Variants in EPB41 observed in about 807,000 individuals in gnomAD.
EPB41 encodes the protein erythrocyte membrane protein band 4.1, also known as protein 4.1.
EPB41 carries 65 observed loss-of-function variants against 108.0 expected under a neutral mutation model. That is an observed-to-expected ratio of 0.60 (90% CI 0.49 to 0.74). The LOEUF is 0.74. Ranked by LOEUF, EPB41 falls within the 30% of genes least tolerant of loss-of-function variation. The pLI, the probability that EPB41 is intolerant of heterozygous loss-of-function variation, is 0.00. For synonymous variants in EPB41, 336 were observed against 358.9 expected, an observed-to-expected ratio of 0.94 and a Z score of 0.72; for missense variants, 875 against 1,037.0, an observed-to-expected ratio of 0.84 and a Z score of 2.15.
In EPB41 at chr1:29,030,409, T is replaced by G. The variant is rs777123955; in HGVS notation, c.1134T>G (p.Thr378=). Residue 378 remains threonine, a synonymous_variant, in exon 8 of 21, where the codon ACT becomes ACG. Coordinates refer to ENST00000343067, the MANE Select transcript of EPB41 (RefSeq NM_001376013.1). The stretch of plus-strand genomic sequence containing the variant: ...TTTTATTCTATCAAAGGTCCATGAC[T>G]CCAGCTCAGGCTGACTTGGAGTTTC... ...MELHKSYRSM[T]PAQADLEFLE... 2.5e-5 allele frequency: 41 copies of G among 1,613,854 alleles called. No individual in the cohort carries two copies. The highest frequency in any genetic ancestry group is 1.6e-4 in the Middle Eastern group (1 of 6,082).
chr1:29,077,188 A>G (rs1654438426), intron 16 of EPB41, among the ~76,000 whole-genome samples: 1 of 152,036 alleles, frequency 6.6e-6, no homozygotes, highest in African/African-American at 2.4e-5. Context: ...ATCCTGTAGT[A>G]TGGTCCCTTG....
intron 12 of EPB41, among the ~76,000 whole-genome samples, chr1:29,057,995 T>C (rs928041848): frequency 6.6e-6 from 1 of 152,234 alleles, no homozygotes; most frequent in African/African-American, 2.4e-5. Context: ...ATTGGGTTTA[T>C]TGTAATGTTT....
Position 28,953,000 on chromosome 1 carries a change from AT to A in EPB41, c.-7-34429del, listed in dbSNP as rs531438876. On this transcript the variant is annotated intron_variant, in intron 1 of 20. Coordinates refer to ENST00000343067, the MANE Select transcript of EPB41 (RefSeq NM_001376013.1). ...TGCCTCGGCCTCCCAAAGTGCCGGG[AT>A]TACAGGCATGAGCCACTGCGCCCGG... Among the ~76,000 whole-genome samples the A allele has an allele frequency of 3.9e-5, 6 of 152,196 alleles. No homozygotes were observed. The South Asian group carries it at 1.2e-3, about 32-fold the overall frequency.
intron 16 of EPB41, among the ~76,000 whole-genome samples, chr1:29,078,944 T>A (rs776433206): frequency 6.6e-6 from 1 of 152,244 alleles, no homozygotes; most frequent in Non-Finnish European, 1.5e-5. Context: ...ATTCACCTTT[T>A]CTTTAGCCAA....
At chr1:28,990,695 AG>A (rs1223784980) in intron 2 of EPB41, among the ~76,000 whole-genome samples, 1 of 152,076 alleles carries the variant, frequency 6.6e-6, no homozygotes, top group Non-Finnish European at 1.5e-5. Flanking sequence ...CTGGGATTAC[AG>A]GCATGACCAC....
chr1:28,935,312 C>T (rs1397890857), intron 1 of EPB41, among the ~76,000 whole-genome samples: 2 of 151,578 alleles, frequency 1.3e-5, no homozygotes, highest in Non-Finnish European at 1.5e-5. Flanking sequence ...GTGCGCATGC[C>T]TGTAGCCAGC....
intron 1 of EPB41, among the ~76,000 whole-genome samples, chr1:28,924,269 C>T (rs1208634891): frequency 6.6e-6 from 1 of 152,272 alleles, no homozygotes; most frequent in Non-Finnish European, 1.5e-5. Context: ...TGGCTCATGC[C>T]TGTAATCCCA....
chr1:28,938,467 T>C (rs1419847016), intron 1 of EPB41, among the ~76,000 whole-genome samples: 2 of 152,192 alleles, frequency 1.3e-5, no homozygotes, highest in Non-Finnish European at 2.9e-5. Flanking sequence ...GCATGCTAAA[T>C]GGAATTTTTT....
chr1:29,019,306 G>A (rs972437969), intron 7 of EPB41, among the ~76,000 whole-genome samples: 6 of 152,150 alleles, frequency 3.9e-5, no homozygotes, highest in Admixed American at 6.5e-5. Flanking sequence ...GCAAGTAGCT[G>A]AGGTAGAAGG....
intron 16 of EPB41, among the ~76,000 whole-genome samples, chr1:29,074,442 A>G (rs919553322): frequency 3.9e-5 from 6 of 152,204 alleles, no homozygotes; most frequent in African/African-American, 1.4e-4. Context: ...GCATTACCAT[A>G]TCTGCTTCCT....
chr1:29,029,003 T>C (rs528422487), intron 7 of EPB41, among the ~76,000 whole-genome samples: 10 of 151,006 alleles, frequency 6.6e-5, no homozygotes, highest in Admixed American at 4.0e-4. Flanking sequence ...GTTTGCACCA[T>C]TGCACTGCAC....
At chr1:29,075,439 C>T (rs1391152751) in intron 16 of EPB41, among the ~76,000 whole-genome samples, 2 of 152,108 alleles carry the variant, frequency 1.3e-5, no homozygotes, top group Admixed American at 1.3e-4. Flanking sequence ...GATCGCGCCA[C>T]TGTACTCCAG....
intron 3 of EPB41, among the ~76,000 whole-genome samples, chr1:28,995,403 A>C (rs1010927714): frequency 6.6e-6 from 1 of 152,118 alleles, no homozygotes; most frequent in Non-Finnish European, 1.5e-5. Context: ...CTCTACTAAA[A>C]ATACAAAAAT....
At chr1:28,909,261 T>C (rs963435203) in intron 1 of EPB41, among the ~76,000 whole-genome samples, 7 of 151,966 alleles carry the variant, frequency 4.6e-5, no homozygotes, top group Admixed American at 3.3e-4. Flanking sequence ...ATTTTTAACC[T>C]ATAAAATCAG....
intron 11 of EPB41, among the ~76,000 whole-genome samples, chr1:29,047,798 T>G (rs896562064): frequency 1.3e-4 from 19 of 147,680 alleles, no homozygotes; most frequent in Admixed American, 4.9e-4. Flanking sequence ...ATGTATGTAT[T>G]TATTTTTGAG....
intron 16 of EPB41, chr1:29,069,435 G>A: frequency 8.2e-7 from 1 of 1,224,444 alleles, no homozygotes; most frequent in Non-Finnish European, 1.0e-6. Context: ...AAACCTTCAT[G>A]ATGGTCATTA....
At chr1:28,981,595 A>G (rs1271122057) in intron 1 of EPB41, among the ~76,000 whole-genome samples, 1 of 152,170 alleles carries the variant, frequency 6.6e-6, no homozygotes, top group East Asian at 1.9e-4. Flanking sequence ...ACTTGTTCAA[A>G]TTGCCAGCAT....
At chr1:28,945,753 T>TTGG (rs1329104736) in intron 1 of EPB41, among the ~76,000 whole-genome samples, 1 of 152,232 alleles carries the variant, frequency 6.6e-6, no homozygotes. Context: ...CTTGTGTATT[T>TTGG]TGGTGGGATT....
chr1:28,978,962 C>T (rs2450120), intron 1 of EPB41, among the ~76,000 whole-genome samples: 1 of 151,390 alleles, frequency 6.6e-6, no homozygotes, highest in Non-Finnish European at 1.5e-5. Context: ...TGTGGGACTT[C>T]TCAGCCACCA....
Sources: allele counts gnomAD v4.1 joint callset (sites outside exome capture counted in the v4.1 genomes callset), GRCh38; gene constraint gnomAD v4.1.1; transcripts MANE v1.5; gene names NCBI Gene and HGNC (gene_info 2026-07-23, HGNC 2026-07-21).